Variants in ATP11B observed in about 807,000 individuals in gnomAD.
ATP11B encodes the protein phospholipid-transporting ATPase IF.
In ATP11B, 81 loss-of-function variants were observed where a neutral mutation model predicts 157.8. The observed-to-expected ratio is 0.51, with a 90% CI of 0.43 to 0.62. ATP11B has a LOEUF of 0.62. Ranked by LOEUF, ATP11B falls within the 20% of genes least tolerant of loss-of-function variation. The pLI is 0.00. For missense variants in ATP11B, 1,165 were observed against 1,402.2 expected, an observed-to-expected ratio of 0.83 and a Z score of 2.70; for synonymous variants, 451 against 469.4, an observed-to-expected ratio of 0.96 and a Z score of 0.51.
chr3:182,900,365 T>G (rs2043491967), intron 28 of ATP11B, among the ~76,000 whole-genome samples: 1 of 152,250 alleles, frequency 6.6e-6, no homozygotes, highest in South Asian at 2.1e-4. Flanking sequence ...TACCTCACAC[T>G]GAGCCTGTAT....
In ATP11B at chr3:182,865,761, T is replaced by C. The variant is rs1268534158; in HGVS notation, c.1443+63T>C. 2.9e-6 allele frequency: 4 copies of C among 1,377,324 alleles called. No homozygotes were observed. In the Admixed American group the frequency reaches 9.6e-5, roughly 33 times the overall value. 85.3% of individuals were successfully genotyped at this position (1,377,324 alleles called of 1,614,324 possible). A position where few individuals can be genotyped will look rare whatever the true frequency, so the allele number is the denominator to read the frequency against. On this transcript the variant is annotated intron_variant, in intron 13 of 29. Coordinates refer to ENST00000323116, the MANE Select transcript of ATP11B (RefSeq NM_014616.3). ...TGAAATAATTCTCTTCAGTAGTTGA[T>C]GAGTTGCAGGAAAAAAAGTTTGTGT...
chr3:182,914,979 C>G (rs369952789), intron 29 of ATP11B: 3 of 985,298 alleles, frequency 3.0e-6, no homozygotes, highest in East Asian at 1.1e-4. Flanking sequence ...AATATTAGCA[C>G]TTTCTACATG....
intron 19 of ATP11B, among the ~76,000 whole-genome samples, chr3:182,878,114 G>C (rs1722171633): frequency 6.6e-6 from 1 of 152,158 alleles, no homozygotes; most frequent in Non-Finnish European, 1.5e-5. Context: ...ATATTGGAGA[G>C]TTAGTAGTAA....
At chr3:182,828,586 TA>T (rs1717887079) in intron 3 of ATP11B, among the ~76,000 whole-genome samples, 1 of 151,938 alleles carries the variant, frequency 6.6e-6, no homozygotes, top group South Asian at 2.1e-4. Flanking sequence ...TTGTACAAAG[TA>T]AACTTTTCTT....
intron 29 of ATP11B, chr3:182,915,476 A>G (rs369011330): frequency 2.9e-5 from 29 of 984,506 alleles, no homozygotes; most frequent in Middle Eastern, 5.2e-4. Context: ...TTATAATACT[A>G]TTTTACCTAA....
chr3:182,858,051 G>A, intron 11 of ATP11B, 23 bp downstream of exon 11: 3 of 1,591,774 alleles, frequency 1.9e-6, no homozygotes, highest in Non-Finnish European at 2.6e-6. Context: ...GTTATTGACT[G>A]TGTCATAAAG....
chr3:182,866,879 TA>T (rs1721277723), intron 14 of ATP11B, among the ~76,000 whole-genome samples: 2 of 147,352 alleles, frequency 1.4e-5, no homozygotes, highest in African/African-American at 2.5e-5. Context: ...CATATATAAA[TA>T]AAAATATATA....
intron 9 of ATP11B, among the ~76,000 whole-genome samples, chr3:182,846,296 G>GA (rs1719521170): frequency 6.8e-6 from 1 of 148,006 alleles, no homozygotes; most frequent in Non-Finnish European, 1.5e-5. Context: ...TCCATATGTC[G>GA]AGAAAAAAAA....
rs1432258788 is a variant in ATP11B, at chr3:182,887,685, G to T, written c.2815G>T (p.Val939Leu). The change falls in exon 24 of 30, where the codon GTG becomes TTG. Residue 939 changes from valine to leucine, a missense_variant. By Grantham distance (32) the Val-to-Leu change is conservative. Transcript: ENST00000323116. ...TTTGGAACAGCATGTAGACCCTCATGTGTTACAAAATAAGCCCACCCTTTA... is the reference window on the plus strand; with the variant it reads ...TTTGGAACAGCATGTAGACCCTCATTTGTTACAAAATAAGCCCACCCTTTA... ...SLLEQHVDPHVLQNKPTLYRD... is the reference protein window; with the variant it reads ...SLLEQHVDPHLLQNKPTLYRD... 6.2e-7 allele frequency: 1 copy of T among 1,611,364 alleles called. No individual in the cohort carries two copies.
intron 19 of ATP11B, among the ~76,000 whole-genome samples, chr3:182,875,467 G>C (rs1244506075): frequency 1.3e-5 from 2 of 152,128 alleles, no homozygotes; most frequent in East Asian, 3.9e-4. Flanking sequence ...TTTTGAGACA[G>C]AGTTTCACTC....
intron 2 of ATP11B, among the ~76,000 whole-genome samples, chr3:182,821,104 T>C (rs540007825): frequency 6.7e-6 from 1 of 150,206 alleles, no homozygotes; most frequent in Non-Finnish European, 1.5e-5. Flanking sequence ...ATTTTTGGGG[T>C]TTTTTTTGTT....
intron 25 of ATP11B, among the ~76,000 whole-genome samples, chr3:182,891,038 A>T (rs527521229): frequency 7.4e-4 from 112 of 152,186 alleles, no homozygotes; most frequent in African/African-American, 2.1e-3. Flanking sequence ...AAAGTATAAT[A>T]AAAAAAACCT....
chr3:182,847,050 CTT>C (rs201462644), intron 9 of ATP11B, among the ~76,000 whole-genome samples: 60 of 132,588 alleles, frequency 4.5e-4, no homozygotes, highest in Middle Eastern at 3.8e-3. Flanking sequence ...TACTTTAAAA[CTT>C]TTTTTTTTTT....
rs1464755886 is a variant in ATP11B at position 182,857,984 on chromosome 3, C to A, written c.958C>A (p.Pro320Thr). 1.2e-6 allele frequency: 2 copies of A among 1,611,872 alleles called. No individual in the cohort carries two copies. The highest frequency in any genetic ancestry group is 3.3e-5 in the Admixed American group (2 of 59,978). ...TWQAEEKWDEPWYNQKTEHQR... is the reference protein window; with the variant it reads ...TWQAEEKWDETWYNQKTEHQR... ...GCAAGCTGAAGAAAAATGGGATGAA[C>A]CTTGGTATAACCAAAAAACAGAACA... The change falls in exon 11 of 30, where the codon CCT (proline) becomes ACT (threonine). Residue 320 changes from proline (P) to threonine (T), a missense_variant. This residue lies in a region of ATP11B where 737 missense variants were observed against 930.5 expected (regional missense o/e 0.79). Coordinates refer to ENST00000323116, the MANE Select transcript of ATP11B (RefSeq NM_014616.3).
chr3:182,874,105 G>C (rs935197109), intron 19 of ATP11B, 90 bp downstream of exon 19: 2 of 1,079,228 alleles, frequency 1.9e-6, no homozygotes, highest in Admixed American at 2.7e-5. Flanking sequence ...GTCACTGCCT[G>C]TTTTTTACAG....
intron 3 of ATP11B, among the ~76,000 whole-genome samples, chr3:182,829,328 G>A (rs986229642): frequency 1.3e-5 from 2 of 152,076 alleles, no homozygotes; most frequent in Non-Finnish European, 2.9e-5. Flanking sequence ...CCCTAGTGTT[G>A]ATATCATTCT....
At chr3:182,823,690 A>T (rs1260860830) in intron 2 of ATP11B, among the ~76,000 whole-genome samples, 1 of 152,192 alleles carries the variant, frequency 6.6e-6, no homozygotes, top group Admixed American at 6.5e-5. Flanking sequence ...CATTAAATGT[A>T]TAAATTACCT....
chr3:182,912,231 G>A (rs533997705), intron 28 of ATP11B, among the ~76,000 whole-genome samples: 2 of 152,248 alleles, frequency 1.3e-5, no homozygotes, highest in African/African-American at 4.8e-5. Flanking sequence ...CTGTTCCTCT[G>A]AATATGAATG....
chr3:182,825,252 A>G (rs1052707929), intron 2 of ATP11B, among the ~76,000 whole-genome samples: 1 of 152,160 alleles, frequency 6.6e-6, no homozygotes, highest in Non-Finnish European at 1.5e-5. Flanking sequence ...CTGTCTTGTT[A>G]AATTTTTTTC....
Sources: allele counts gnomAD v4.1 joint callset (sites outside exome capture counted in the v4.1 genomes callset), GRCh38; gene constraint gnomAD v4.1.1; regional missense constraint gnomAD v4.1.1; transcripts MANE v1.5; gene names NCBI Gene and HGNC (gene_info 2026-07-23, HGNC 2026-07-21).